EDNRA: variants seen among roughly 807,000 people sequenced by gnomAD.
EDNRA encodes the protein endothelin receptor type A.
A neutral mutation model predicts 41.4 loss-of-function variants in EDNRA; 11 were observed. That is an observed-to-expected ratio of 0.27 (90% CI 0.17 to 0.44). The LOEUF (loss-of-function observed/expected upper bound fraction) is 0.44. Among genes scored for constraint, EDNRA ranks in the 20% least tolerant of loss-of-function variants. The probability of loss-of-function intolerance (pLI) is 1.00; values close to 1 mark genes in which losing one functional copy is unlikely to be tolerated. For missense variants in EDNRA, 294 were observed against 531.0 expected, an observed-to-expected ratio of 0.55 and a Z score of 4.39; for synonymous variants, 172 against 183.0, an observed-to-expected ratio of 0.94 and a Z score of 0.49.
chr4:147,494,673 A>G (rs1280071949), intron 2 of EDNRA: 3 of 152,306 alleles, frequency 2.0e-5, no homozygotes, highest in Non-Finnish European at 4.4e-5. Context: ...CTATTGTCCA[A>G]ACAGGACAAT....
At chr4:147,532,185 G>A (rs1473511063) in intron 3 of EDNRA, among the ~76,000 whole-genome samples, 30 of 148,882 alleles carry the variant, frequency 2.0e-4, no homozygotes, top group Admixed American at 2.0e-4. Context: ...AATTAGCCGG[G>A]CGTGGTGGCA....
chr4:147,498,392 C>T (rs1001698944), intron 2 of EDNRA, among the ~76,000 whole-genome samples: 1 of 152,114 alleles, frequency 6.6e-6, no homozygotes, highest in African/African-American at 2.4e-5. Context: ...CTAAGGTGAC[C>T]GTCCAGAGCC....
At chr4:147,527,201 T>A (rs1331287387) in intron 3 of EDNRA, among the ~76,000 whole-genome samples, 1 of 152,198 alleles carries the variant, frequency 6.6e-6, no homozygotes, top group East Asian at 1.9e-4. Context: ...GCCACCTATT[T>A]ATTCCCTGAT....
At chr4:147,483,855 G>A (rs543728811) in intron 1 of EDNRA, among the ~76,000 whole-genome samples, 190 of 151,902 alleles carry the variant, frequency 1.3e-3, no homozygotes, top group African/African-American at 4.3e-3. Flanking sequence ...AAGTAGCTGA[G>A]ACTACAGGCA....
At chr4:147,524,358 C>T (rs142077008) in intron 3 of EDNRA, among the ~76,000 whole-genome samples, 1 of 151,958 alleles carries the variant, frequency 6.6e-6, no homozygotes, top group Non-Finnish European at 1.5e-5. Flanking sequence ...ATTCCTATAT[C>T]TAGTGTCGGG....
chr4:147,508,259 T>C (rs6537487), intron 2 of EDNRA, among the ~76,000 whole-genome samples: 58,611 of 151,994 alleles, frequency 0.39, 16,539 homozygotes, highest in African/African-American at 0.81. Flanking sequence ...ATGCCTCAGC[T>C]TCCAGAGTAG....
At chr4:147,522,102 G>T (rs1360863876) in intron 3 of EDNRA, among the ~76,000 whole-genome samples, 2 of 152,070 alleles carry the variant, frequency 1.3e-5, no homozygotes, top group African/African-American at 4.8e-5. Context: ...GGGGAGGAAA[G>T]ATTTATCAAT....
intron 5 of EDNRA, among the ~76,000 whole-genome samples, chr4:147,539,291 A>G (rs1367416316): frequency 6.6e-6 from 1 of 151,342 alleles, no homozygotes; most frequent in Non-Finnish European, 1.5e-5. Context: ...TTCCTTTTCT[A>G]CTCCCCACTC....
intron 2 of EDNRA, among the ~76,000 whole-genome samples, chr4:147,507,795 A>G (rs1729774088): frequency 6.6e-6 from 1 of 152,216 alleles, no homozygotes; most frequent in Non-Finnish European, 1.5e-5. Context: ...ATTTCTCCAC[A>G]TCCTCACCCC....
chr4:147,539,991 G>T (rs200591266), intron 6 of EDNRA, 41 bp downstream of exon 6: 5 of 1,548,854 alleles, frequency 3.2e-6, no homozygotes, highest in Non-Finnish European at 4.3e-6. Context: ...GAGTTTCTCA[G>T]ATTTTCATAT....
intron 1 of EDNRA, among the ~76,000 whole-genome samples, chr4:147,481,750 C>T (rs577177182): frequency 1.3e-5 from 2 of 152,336 alleles, no homozygotes; most frequent in South Asian, 4.1e-4. Flanking sequence ...GCTCCAGCGC[C>T]TTCTTGTGAA....
chr4:147,532,699 A>G lies in EDNRA; in HGVS notation c.742A>G (p.Met248Val), dbSNP rs200425226. The G allele has an allele frequency of 8.1e-6, 13 of 1,613,988 alleles. No individual in the cohort carries two copies. The East Asian group carries it at 2.2e-4, about 28-fold the overall frequency. ...TATGCTCAATGCCACATCAAAATTC[A>G]TGGAGGTACTAAACGTTTAAAAGGA... ...TCMLNATSKFMEFYQDVKDWW... is the reference protein window; with the variant it reads ...TCMLNATSKFVEFYQDVKDWW... The change falls in exon 4 of 8, where the codon ATG (methionine) becomes GTG (valine). Residue 248 changes from methionine (M) to valine (V), a missense_variant. Coordinates refer to ENST00000651419, the MANE Select transcript of EDNRA (RefSeq NM_001957.4).
chr4:147,515,477 G>A (rs1228956646), intron 2 of EDNRA, among the ~76,000 whole-genome samples: 1 of 152,088 alleles, frequency 6.6e-6, no homozygotes, highest in Non-Finnish European at 1.5e-5. Context: ...CTAATATACA[G>A]GCAACACTGA....
intron 5 of EDNRA, 46 bp downstream of exon 5, chr4:147,536,075 C>G (rs200162547): frequency 3.1e-6 from 5 of 1,606,664 alleles, no homozygotes; most frequent in Non-Finnish European, 4.3e-6. Context: ...CTGGTTAGTC[C>G]TTGACAGCAG....
intron 2 of EDNRA, among the ~76,000 whole-genome samples, chr4:147,501,119 C>T (rs981953101): frequency 6.6e-6 from 1 of 152,092 alleles, no homozygotes; most frequent in African/African-American, 2.4e-5. Flanking sequence ...GTGGAAATGG[C>T]CCAGAAGAAA....
intron 1 of EDNRA, among the ~76,000 whole-genome samples, chr4:147,481,758 G>A (rs183152518): frequency 2.8e-3 from 422 of 152,360 alleles, no homozygotes; most frequent in African/African-American, 9.6e-3. Context: ...GCCTTCTTGT[G>A]AAGTTGGCTC....
chr4:147,506,905 T>G (rs1486750068), intron 2 of EDNRA: 6 of 153,992 alleles, frequency 3.9e-5, no homozygotes, highest in African/African-American at 1.2e-4. Flanking sequence ...TCTAAACCTA[T>G]AACTGTTGTA....
intron 2 of EDNRA, among the ~76,000 whole-genome samples, chr4:147,508,091 T>A (rs72959599): frequency 0.022 from 3,293 of 152,294 alleles, 106 homozygotes; most frequent in African/African-American, 0.075. Flanking sequence ...AGCGGATTTG[T>A]TTTTATTTTC....
chr4:147,496,421 T>C (rs994009841), intron 2 of EDNRA, among the ~76,000 whole-genome samples: 1 of 152,258 alleles, frequency 6.6e-6, no homozygotes, highest in South Asian at 2.1e-4. Context: ...TGTTATATCA[T>C]TTAACAGTCA....
Sources: allele counts gnomAD v4.1 joint callset (sites outside exome capture counted in the v4.1 genomes callset), GRCh38; gene constraint gnomAD v4.1.1; transcripts MANE v1.5; gene names NCBI Gene and HGNC (gene_info 2026-07-23, HGNC 2026-07-21).